ANGPT2: variants seen among roughly 807,000 people sequenced by gnomAD.
The protein encoded by ANGPT2 is angiopoietin 2.
ANGPT2 carries 28 observed loss-of-function variants against 62.9 expected under a neutral mutation model. That is an observed-to-expected ratio of 0.44 (90% CI 0.33 to 0.61). The LOEUF (loss-of-function observed/expected upper bound fraction) is 0.61, where lower values mean the gene tolerates loss of function less well. Among genes scored for constraint, ANGPT2 ranks in the 20% least tolerant of loss-of-function variants. The pLI is 0.03. For missense variants in ANGPT2, 727 were observed against 594.9 expected (o/e 1.22, Z -2.31); for synonymous variants, 284 against 207.8 (o/e 1.37, Z -3.15).
chr8:6,508,551 A>G, intron 8 of ANGPT2: 1 of 316,708 alleles, frequency 3.2e-6, no homozygotes, highest in Non-Finnish European at 5.6e-6. Flanking sequence ...TATTTCTATA[A>G]TCTATATTAC....
chr8:6,531,996 A>G (rs1819606996), intron 2 of ANGPT2, among the ~76,000 whole-genome samples: 1 of 152,232 alleles, frequency 6.6e-6, no homozygotes, highest in Non-Finnish European at 1.5e-5. Context: ...TTTAGGACTT[A>G]GAAATGGAAA....
chr8:6,522,784 AAG>A (rs1817618875), intron 3 of ANGPT2, among the ~76,000 whole-genome samples: 1 of 149,702 alleles, frequency 6.7e-6, no homozygotes, highest in Non-Finnish European at 1.5e-5. Flanking sequence ...AAAAAAAAAA[AAG>A]AAAAGAAAAG....
chr8:6,542,764 G>T (rs1172562801), intron 1 of ANGPT2, among the ~76,000 whole-genome samples: 1 of 152,128 alleles, frequency 6.6e-6, no homozygotes, highest in East Asian at 1.9e-4. Flanking sequence ...GAGCTCTGTG[G>T]AGGAGGTAGC....
chr8:6,545,132 G>A (rs533160495), intron 1 of ANGPT2, among the ~76,000 whole-genome samples: 25 of 152,076 alleles, frequency 1.6e-4, no homozygotes, highest in Non-Finnish European at 2.1e-4. Flanking sequence ...AGAATGGACC[G>A]AACTTACTAA....
At chr8:6,518,811 C>T (rs1027084537) in intron 5 of ANGPT2, among the ~76,000 whole-genome samples, 1 of 152,272 alleles carries the variant, frequency 6.6e-6, no homozygotes, top group Middle Eastern at 3.4e-3. Flanking sequence ...ATACAGTTAT[C>T]CAGTAGTTAC....
At chr8:6,531,638 C>T (rs746964247) in intron 2 of ANGPT2, among the ~76,000 whole-genome samples, 4 of 152,142 alleles carry the variant, frequency 2.6e-5, no homozygotes, top group Non-Finnish European at 2.9e-5. Context: ...TAATCACTAG[C>T]TCATAGAATC....
In ANGPT2 at chr8:6,519,848, G is replaced by C; in HGVS notation, c.927+16C>G. On this transcript the variant is annotated intron_variant, in intron 5 of 8. Coordinates refer to ENST00000629816, the MANE Select transcript of ANGPT2 (RefSeq NM_001118887.2). ...CCTAGAGCCAGGGAGTTAGTAAGGGGAGACGAATACCTCACCTTGATCTCT... is the reference window on the plus strand; with the variant it reads ...CCTAGAGCCAGGGAGTTAGTAAGGGCAGACGAATACCTCACCTTGATCTCT... The C allele has an allele frequency of 6.2e-7, 1 of 1,613,072 alleles. No individual in the cohort carries two copies. Among genetic ancestry groups the C allele is most frequent in the South Asian group, 1.1e-5 (1 of 90,884 alleles).
rs116951190 is a variant in ANGPT2 at position 6,510,098 on chromosome 8, G to C, written c.1197-1036C>G. On this transcript the variant is annotated intron_variant, in intron 7 of 8. Coordinates refer to ENST00000629816, the MANE Select transcript of ANGPT2 (RefSeq NM_001118887.2). ...AAAATACGGCTTACATCGGTCATCTGTGTACCAGCAAGGAGCATATAAGGG... is the reference window on the plus strand; with the variant it reads ...AAAATACGGCTTACATCGGTCATCTCTGTACCAGCAAGGAGCATATAAGGG... Among the ~76,000 whole-genome samples, 98 of 152,170 alleles carry C rather than the reference G, an allele frequency of 6.4e-4. 3 individuals carry two copies. The East Asian group carries it at 0.018, about 28-fold the overall frequency.
At position 6,501,180 on chromosome 8, in the gene ANGPT2, G is replaced by C. The variant is rs1812106888; in HGVS notation, c.*1921C>G. On this transcript the variant is annotated 3_prime_UTR_variant, in exon 9 of 9. Coordinates refer to ENST00000629816, the MANE Select transcript of ANGPT2 (RefSeq NM_001118887.2). ...CTTGGTGGAAATAAAACAGAGCCTTGACTTTGCCAGAGTCCATCATTGACT... is the reference window on the plus strand; with the variant it reads ...CTTGGTGGAAATAAAACAGAGCCTTCACTTTGCCAGAGTCCATCATTGACT... The C allele has an allele frequency of 6.6e-6, 1 of 152,202 alleles. No individual in the cohort carries two copies. Among genetic ancestry groups the C allele is most frequent in the Non-Finnish European group, 1.5e-5 (1 of 68,028 alleles). 9.4% of individuals were successfully genotyped at this position (152,202 alleles called of 1,614,324 possible). A position where few individuals can be genotyped will look rare whatever the true frequency, so the allele number is the denominator to read the frequency against.
chr8:6,533,956 T>C (rs1003671045), intron 1 of ANGPT2, among the ~76,000 whole-genome samples: 3 of 152,162 alleles, frequency 2.0e-5, no homozygotes, highest in African/African-American at 7.2e-5. Flanking sequence ...TGGTATCAGA[T>C]GGTTTTAGGA....
intron 5 of ANGPT2, 92 bp from the exon 6 acceptor site, chr8:6,514,870 G>T: frequency 1.9e-6 from 2 of 1,073,934 alleles, no homozygotes; most frequent in South Asian, 1.4e-5. Flanking sequence ...CTGAGTGCAG[G>T]ACTCAGCCGA....
chr8:6,537,247 C>T (rs1043107643), intron 1 of ANGPT2, among the ~76,000 whole-genome samples: 1 of 152,140 alleles, frequency 6.6e-6, no homozygotes, highest in African/African-American at 2.4e-5. Flanking sequence ...GATCTGTAGG[C>T]ACACGTGTCT....
At chr8:6,559,226 C>G (rs957869738) in intron 1 of ANGPT2, among the ~76,000 whole-genome samples, 4 of 101,436 alleles carry the variant, frequency 3.9e-5, no homozygotes, top group African/African-American at 1.9e-4. Context: ...TAGCCACACA[C>G]GACAACACAC....
At chr8:6,537,251 C>T (rs748308618) in intron 1 of ANGPT2, among the ~76,000 whole-genome samples, 1 of 152,064 alleles carries the variant, frequency 6.6e-6, no homozygotes, top group Non-Finnish European at 1.5e-5. Flanking sequence ...TGTAGGCACA[C>T]GTGTCTGAAT....
At chr8:6,526,169 C>T (rs1040681208) in intron 3 of ANGPT2, among the ~76,000 whole-genome samples, 1 of 150,406 alleles carries the variant, frequency 6.6e-6, no homozygotes, top group African/African-American at 2.5e-5. Context: ...CCTGTAATCC[C>T]AGCACTTTAG....
chr8:6,529,201 G>T (rs1226698263), intron 2 of ANGPT2, among the ~76,000 whole-genome samples: 1 of 152,180 alleles, frequency 6.6e-6, no homozygotes, highest in African/African-American at 2.4e-5. Context: ...ATCTGCAGGG[G>T]ACTGTAAATT....
chr8:6,559,230 A>AACACACACACACACACACACACAC (rs59299448), intron 1 of ANGPT2, among the ~76,000 whole-genome samples: 32 of 146,838 alleles, frequency 2.2e-4, no homozygotes, highest in East Asian at 2.0e-3. Context: ...CACACACGAC[A>AACACACACACACACACACACACAC]ACACACACAC....
rs1002272912 is a variant in ANGPT2, at chr8:6,502,314, T to G, written c.*787A>C. On this transcript the variant is annotated 3_prime_UTR_variant, in exon 9 of 9. Transcript: ENST00000629816. Reference sequence around the variant, plus strand: ...AGGCATATCCCCTAATAAGTTATATTTAATTACTAAAAATACCTTCATATT... The same window carrying G: ...AGGCATATCCCCTAATAAGTTATATGTAATTACTAAAAATACCTTCATATT... 2.0e-5 allele frequency: 3 copies of G among 152,158 alleles called. No individual in the cohort carries two copies. The South Asian group carries it at 6.2e-4, about 32-fold the overall frequency. The allele number at this position is 152,158 out of a possible 1,614,324, so 9.4% of individuals were successfully genotyped here. A position where few individuals can be genotyped will look rare whatever the true frequency, so the allele number is the denominator to read the frequency against.
intron 8 of ANGPT2, among the ~76,000 whole-genome samples, chr8:6,505,820 T>C (rs533856459): frequency 1.8e-4 from 25 of 140,084 alleles, no homozygotes; most frequent in Non-Finnish European, 3.2e-4. Flanking sequence ...TTTATATATG[T>C]ATATATAAAA....
Sources: gnomAD v4.1 joint callset for allele counts (sites outside exome capture counted in the v4.1 genomes callset) on GRCh38, gnomAD v4.1.1 for gene constraint, MANE v1.5 for transcripts, NCBI Gene and HGNC (gene_info 2026-07-23, HGNC 2026-07-21) for gene names.